NLGN1: variants seen among roughly 807,000 people sequenced by gnomAD.
NLGN1 encodes neuroligin-1.
In NLGN1, 12 loss-of-function variants were observed where a neutral mutation model predicts 65.5. That is an observed-to-expected ratio of 0.18 (90% CI 0.12 to 0.30). The LOEUF (loss-of-function observed/expected upper bound fraction) is 0.30. Among genes scored for constraint, NLGN1 ranks in the 10% least tolerant of loss-of-function variants. The pLI is 1.00. For synonymous variants in NLGN1, 350 were observed against 359.5 expected (o/e 0.97, Z 0.30); for missense variants, 750 against 1,007.1 (o/e 0.74, Z 3.46).
At chr3:174,258,085 T>A (rs1013591254) in intron 4 of NLGN1, among the ~76,000 whole-genome samples, 5 of 151,936 alleles carry the variant, frequency 3.3e-5, no homozygotes, top group African/African-American at 7.2e-5. Context: ...AAAGCCAAAG[T>A]CCCCTAACTA....
chr3:173,839,969 G>A (rs1168508038), intron 4 of NLGN1, among the ~76,000 whole-genome samples: 1 of 152,198 alleles, frequency 6.6e-6, no homozygotes, highest in Non-Finnish European at 1.5e-5. Flanking sequence ...TGCGGCTAGT[G>A]TGGTAGATGT....
intron 4 of NLGN1, among the ~76,000 whole-genome samples, chr3:173,900,778 T>A (rs1255971007): frequency 6.6e-6 from 1 of 152,038 alleles, no homozygotes; most frequent in African/African-American, 2.4e-5. Context: ...TTTTCACCAG[T>A]AGAGTAATCC....
intron 4 of NLGN1, among the ~76,000 whole-genome samples, chr3:174,104,764 C>CA (rs1713347898): frequency 6.6e-6 from 1 of 151,988 alleles, no homozygotes; most frequent in African/African-American, 2.4e-5. Context: ...GAGAGATGCT[C>CA]ATGATCAGGT....
chr3:173,451,449 G>C (rs13087206), intron 2 of NLGN1, among the ~76,000 whole-genome samples: 73,413 of 151,994 alleles, frequency 0.48, 20,243 homozygotes, highest in East Asian at 0.84. Context: ...ACCTGGCCGT[G>C]TGAGGTGTCA....
chr3:173,884,429 G>A (rs1319821089), intron 4 of NLGN1, among the ~76,000 whole-genome samples: 1 of 152,018 alleles, frequency 6.6e-6, no homozygotes, highest in African/African-American at 2.4e-5. Context: ...TTTATGATGT[G>A]TGCTATATAT....
intron 2 of NLGN1, among the ~76,000 whole-genome samples, chr3:173,523,952 T>G (rs1407812919): frequency 4.3e-5 from 6 of 139,232 alleles, no homozygotes; most frequent in African/African-American, 1.3e-4. Context: ...ACAGAGTCAC[T>G]CTCTGTCACC....
intron 3 of NLGN1, among the ~76,000 whole-genome samples, chr3:173,680,615 G>A (rs1442386831): frequency 6.6e-6 from 1 of 152,090 alleles, no homozygotes. Flanking sequence ...ATGGAACAAG[G>A]TTATGATTCT....
At chr3:173,493,838 T>G (rs917468855) in intron 2 of NLGN1, among the ~76,000 whole-genome samples, 3 of 150,582 alleles carry the variant, frequency 2.0e-5, no homozygotes, top group South Asian at 2.1e-4. Flanking sequence ...AATATATATA[T>G]ATAGAGAGAG....
At chr3:174,267,686 G>A (rs1748545719) in intron 4 of NLGN1, among the ~76,000 whole-genome samples, 1 of 152,096 alleles carries the variant, frequency 6.6e-6, no homozygotes, top group Non-Finnish European at 1.5e-5. Context: ...CTCAAGATTG[G>A]CTGCTGAGAG....
intron 3 of NLGN1, among the ~76,000 whole-genome samples, chr3:173,678,109 G>A (rs1044583428): frequency 7.2e-5 from 11 of 152,090 alleles, no homozygotes; most frequent in African/African-American, 2.7e-4. Context: ...AACAGCCTCT[G>A]AATTGAAATA....
intron 4 of NLGN1, among the ~76,000 whole-genome samples, chr3:174,122,445 C>G (rs2152649119): frequency 6.6e-6 from 1 of 152,272 alleles, no homozygotes; most frequent in Non-Finnish European, 1.5e-5. Flanking sequence ...AACTGAAAGA[C>G]AGGTTATGTC....
At chr3:173,556,159 A>G (rs1440990442) in intron 2 of NLGN1, among the ~76,000 whole-genome samples, 1 of 152,112 alleles carries the variant, frequency 6.6e-6, no homozygotes. Context: ...TTCATTCATG[A>G]CATGCCTAAT....
chr3:173,492,974 G>A (rs1420773078), intron 2 of NLGN1, among the ~76,000 whole-genome samples: 1 of 151,634 alleles, frequency 6.6e-6, no homozygotes, highest in East Asian at 1.9e-4. Context: ...CTAGCTCCAG[G>A]TCATTGTCAG....
chr3:173,489,516 G>A (rs1403350868), intron 2 of NLGN1, among the ~76,000 whole-genome samples: 1 of 152,124 alleles, frequency 6.6e-6, no homozygotes, highest in Non-Finnish European at 1.5e-5. Flanking sequence ...CCAAGTCTTT[G>A]CTATTGTGAA....
rs184980195 is a variant in NLGN1 at position 173,495,362 on chromosome 3, C to T, written c.-321+60284C>T. Among the ~76,000 whole-genome samples, 11 of 151,502 alleles carry T rather than the reference C, an allele frequency of 7.3e-5. No homozygotes were observed. The East Asian group carries it at 1.4e-3, about 19-fold the overall frequency. ...GATATTTGAGCTGTCTAAAATTACT[C>T]GTTTATTCTATCAATTTTGTACATT... On this transcript the variant is annotated intron_variant, in intron 2 of 6. Coordinates refer to ENST00000457714, the Ensembl canonical transcript of NLGN1.
intron 4 of NLGN1, among the ~76,000 whole-genome samples, chr3:174,020,170 A>G (rs1270992748): frequency 6.6e-6 from 1 of 152,130 alleles, no homozygotes; most frequent in Non-Finnish European, 1.5e-5. Context: ...TTACAGAACC[A>G]TCATGTGTAA....
At chr3:173,982,317 T>C (rs150358305) in intron 4 of NLGN1, among the ~76,000 whole-genome samples, 1 of 152,132 alleles carries the variant, frequency 6.6e-6, no homozygotes. Context: ...AAATAATAGA[T>C]AAAAAAGTAA....
At chr3:173,899,806 C>T (rs1736998315) in intron 4 of NLGN1, among the ~76,000 whole-genome samples, 1 of 152,066 alleles carries the variant, frequency 6.6e-6, no homozygotes, top group Admixed American at 6.6e-5. Context: ...TTTGCTTGCC[C>T]ATGGACTGAA....
Position 173,731,598 on chromosome 3 carries a change from A to G in NLGN1, c.494-76082A>G, listed in dbSNP as rs149866486. Among the ~76,000 whole-genome samples the G allele has an allele frequency of 1.5e-3, 225 of 152,208 alleles. 4 individuals carry two copies. The highest frequency in any genetic ancestry group is 0.014 in the Admixed American group (210 of 15,258). ...AAAGGTTAGTTATCCTTTCTTCTCTACCACAATTACTGCTTCCTTTTGTTT... is the reference window on the plus strand; with the variant it reads ...AAAGGTTAGTTATCCTTTCTTCTCTGCCACAATTACTGCTTCCTTTTGTTT... On this transcript the variant is annotated intron_variant, in intron 3 of 6. Coordinates refer to ENST00000457714, the Ensembl canonical transcript of NLGN1.
Sources: gnomAD v4.1 joint callset for allele counts (sites outside exome capture counted in the v4.1 genomes callset) on GRCh38, gnomAD v4.1.1 for gene constraint, MANE v1.5 for transcripts, NCBI Gene and HGNC (gene_info 2026-07-23, HGNC 2026-07-21) for gene names.